Variants in FGFR1 observed in about 807,000 individuals in gnomAD.
FGFR1 encodes the protein FGFR1/PLAG1 fusion.
Under a neutral mutation model 93.7 loss-of-function variants are expected in FGFR1, and 18 were observed. The observed-to-expected ratio is 0.19, with a 90% CI of 0.13 to 0.28. The LOEUF (loss-of-function observed/expected upper bound fraction) is 0.28. Ranked by LOEUF, FGFR1 falls within the 10% of genes least tolerant of loss-of-function variation. FGFR1 has a pLI of 1.00. For synonymous variants in FGFR1, 448 were observed against 429.3 expected (o/e 1.04, Z -0.54); for missense variants, 731 against 1,080.4 (o/e 0.68, Z 4.53).
intron 2 of FGFR1, among the ~76,000 whole-genome samples, chr8:38,440,883 G>A (rs577886404): frequency 6.6e-6 from 1 of 152,184 alleles, no homozygotes; most frequent in Non-Finnish European, 1.5e-5. Flanking sequence ...CAGGCAGCCC[G>A]GCTAATCCTG....
chr8:38,422,383 G>A, intron 7 of FGFR1: 1 of 383,148 alleles, frequency 2.6e-6, no homozygotes, highest in Non-Finnish European at 4.9e-6. Context: ...GCAGATGCGA[G>A]TATGCAAGGG....
chr8:38,451,701 A>G (rs1439944696), intron 2 of FGFR1, among the ~76,000 whole-genome samples: 1 of 152,174 alleles, frequency 6.6e-6, no homozygotes, highest in African/African-American at 2.4e-5. Flanking sequence ...GAGGAGCTGT[A>G]AAACTCAGCC....
intron 1 of FGFR1, among the ~76,000 whole-genome samples, chr8:38,462,809 G>A (rs979315888): frequency 6.6e-6 from 1 of 151,398 alleles, no homozygotes; most frequent in African/African-American, 2.4e-5. Context: ...TCACCATGTT[G>A]GCCAGGCTGG....
chr8:38,434,462 A>G, intron 2 of FGFR1: 1 of 410,592 alleles, frequency 2.4e-6, no homozygotes, highest in African/African-American at 2.0e-5. Flanking sequence ...CAATCTCAGA[A>G]GGACTGTGCA....
At chr8:38,458,991 C>G in intron 1 of FGFR1, 1 of 223,864 alleles carries the variant, frequency 4.5e-6, no homozygotes, top group Non-Finnish European at 8.9e-6. Flanking sequence ...AGGTCTATTG[C>G]AAGCACTGAG....
At chr8:38,461,269 C>T (rs1834343002) in intron 1 of FGFR1, 1 of 711,256 alleles carries the variant, frequency 1.4e-6, no homozygotes, top group African/African-American at 1.8e-5. Context: ...AGAGAAAAAC[C>T]TATGAATGTC....
At chr8:38,431,048 C>G (rs7005874) in intron 2 of FGFR1, among the ~76,000 whole-genome samples, 27,956 of 152,184 alleles carry the variant, frequency 0.18, 3,185 homozygotes, top group East Asian at 0.31. Flanking sequence ...TCACCTACCA[C>G]CCACATCCCG....
intron 1 of FGFR1, chr8:38,465,971 G>A (rs1300730689): frequency 8.7e-6 from 2 of 228,988 alleles, no homozygotes; most frequent in Admixed American, 1.1e-4. Flanking sequence ...AACCAGAGAA[G>A]TGTTTTCAAT....
intron 1 of FGFR1, chr8:38,466,522 C>G (rs958798321): frequency 1.3e-5 from 3 of 230,966 alleles, no homozygotes; most frequent in Non-Finnish European, 2.6e-5. Context: ...CCAGAAAGCA[C>G]CCGGACCGCC....
At chr8:38,433,500 G>A (rs982345670) in intron 2 of FGFR1, among the ~76,000 whole-genome samples, 11 of 152,122 alleles carry the variant, frequency 7.2e-5, no homozygotes, top group African/African-American at 1.2e-4. Context: ...AGTAGAGATG[G>A]GGTTTCACCA....
intron 16 of FGFR1, 34 bp downstream of exon 16, chr8:38,414,118 T>C (rs2150528555): frequency 6.2e-7 from 1 of 1,614,172 alleles, no homozygotes. Flanking sequence ...CCCCAAGGCC[T>C]GGCTCAGGGC....
chr8:38,461,255 T>C, intron 1 of FGFR1: 1 of 818,320 alleles, frequency 1.2e-6, no homozygotes. Flanking sequence ...CTCTCCCACT[T>C]CTAAGAGAAA....
intron 2 of FGFR1, among the ~76,000 whole-genome samples, chr8:38,449,224 A>C (rs1419211132): frequency 1.3e-5 from 2 of 152,218 alleles, no homozygotes; most frequent in Non-Finnish European, 2.9e-5. Flanking sequence ...ACCCAAGCTA[A>C]ACCTTAAACT....
At position 38,417,913 on chromosome 8, in the gene FGFR1, G is replaced by A. The variant is rs372521005; in HGVS notation, c.1509C>T (p.Asp503=). 4 of 1,614,212 alleles carry A rather than the reference G, an allele frequency of 2.5e-6. No individual in the cohort carries two copies. Among genetic ancestry groups the A allele is most frequent in the Non-Finnish European group, 3.4e-6 (4 of 1,180,048 alleles). ...VLAEAIGLDK[D]KPNRVTKVAV... ...CCACTTTGGTCACACGGTTGGGTTT[G>A]TCCTTGTCCAGCCCGATAGCCTCTG... Residue 503 remains aspartate, a synonymous_variant, in exon 11 of 18, where the codon GAC becomes GAT. Coordinates refer to ENST00000447712, the MANE Select transcript of FGFR1 (RefSeq NM_023110.3).
chr8:38,465,000 T>C (rs917078335), intron 1 of FGFR1, among the ~76,000 whole-genome samples: 4 of 152,206 alleles, frequency 2.6e-5, no homozygotes, highest in African/African-American at 9.7e-5. Flanking sequence ...GCAAAACCCA[T>C]GGATTTTCCT....
At chr8:38,458,473 G>T in intron 1 of FGFR1, among the ~76,000 whole-genome samples, 1 of 152,048 alleles carries the variant, frequency 6.6e-6, no homozygotes, top group Non-Finnish European at 1.5e-5. Context: ...CTCAGGAGGC[G>T]GAGGTTGCAG....
rs1179111314 is a variant in FGFR1 at position 38,418,320 on chromosome 8, T to C, written c.1338A>G (p.Pro446=). 6.2e-7 allele frequency: 1 copy of C among 1,614,160 alleles called. No homozygotes were observed. Among genetic ancestry groups the C allele is most frequent in the South Asian group, 1.1e-5 (1 of 91,082 alleles). The stretch of plus-strand genomic sequence containing the variant: ...GAGTCCCACTGGAGGAGAGCCGTGA[T>C]GGCCGAACCAGAAGAACCCCAGAGT... ...SMNSGVLLVR[P]SRLSSSGTPM... is the part of the protein sequence containing the mutation. Residue 446 remains proline, a synonymous_variant, in exon 10 of 18, where the codon CCA becomes CCG. Transcript: ENST00000447712.
At chr8:38,427,777 AT>A (rs1821318638) in intron 5 of FGFR1, 143 bp downstream of exon 5, 7 of 849,354 alleles carry the variant, frequency 8.2e-6, no homozygotes, top group South Asian at 1.6e-5. Context: ...CTTTATTTGC[AT>A]TTTTTTGTAT....
In FGFR1 at chr8:38,413,547, G is replaced by C; in HGVS notation, c.*81C>G. ...TGCCAGCAGGAAAGGGGACAGGGAC[G>C]GACAGGTGGTGGGCCCAGCAGGGGC... is the stretch of plus-strand genomic sequence containing the variant. On this transcript the variant is annotated 3_prime_UTR_variant, in exon 18 of 18. Coordinates refer to ENST00000447712, the MANE Select transcript of FGFR1 (RefSeq NM_023110.3). The surrounding 1 kb of genome is among the most constrained non-coding windows in gnomAD (Gnocchi z 4.2). The C allele has an allele frequency of 6.8e-7, 1 of 1,463,092 alleles. No individual in the cohort carries two copies. Among genetic ancestry groups the C allele is most frequent in the Non-Finnish European group, 9.3e-7 (1 of 1,080,832 alleles). 90.6% of individuals were successfully genotyped at this position (1,463,092 alleles called of 1,614,324 possible).
Sources: gnomAD v4.1 joint callset for allele counts (sites outside exome capture counted in the v4.1 genomes callset) on GRCh38, gnomAD v4.1.1 for gene constraint, Gnocchi (gnomAD v3.1) non-coding constraint, MANE v1.5 for transcripts, NCBI Gene and HGNC (gene_info 2026-07-23, HGNC 2026-07-21) for gene names.